CCDC125: variants seen among roughly 807,000 people sequenced by gnomAD.
The protein encoded by CCDC125 is coiled-coil domain containing 125.
A neutral mutation model predicts 57.4 loss-of-function variants in CCDC125; 43 were observed. The ratio of observed to expected loss-of-function variants is 0.75; its 90% CI spans 0.59 to 0.97. The LOEUF (loss-of-function observed/expected upper bound fraction) is 0.97. CCDC125 is among the 50% of genes least tolerant of loss of function. The pLI, the probability that CCDC125 is intolerant of heterozygous loss-of-function variation, is 0.00. For missense variants in CCDC125, 563 were observed against 595.7 expected, an observed-to-expected ratio of 0.95 and a Z score of 0.57; for synonymous variants, 187 against 195.2, an observed-to-expected ratio of 0.96 and a Z score of 0.35.
At chr5:69,283,256 G>A (rs764703910) in intron 11 of CCDC125, among the ~76,000 whole-genome samples, 24 of 137,246 alleles carry the variant, frequency 1.7e-4, no homozygotes, top group Non-Finnish European at 2.9e-4. Context: ...GTCTGGCTCT[G>A]TCACCCAGGC....
chr5:69,302,307 A>G (rs1483668329), intron 7 of CCDC125, among the ~76,000 whole-genome samples: 22 of 145,456 alleles, frequency 1.5e-4, no homozygotes, highest in African/African-American at 5.3e-4. Flanking sequence ...CTGTAGTCCC[A>G]GCTTCTTGGG....
At chr5:69,293,234 G>T (rs1414852732) in intron 9 of CCDC125, among the ~76,000 whole-genome samples, 1 of 152,138 alleles carries the variant, frequency 6.6e-6, no homozygotes, top group Non-Finnish European at 1.5e-5. Context: ...GACGTCTTAG[G>T]CTCAAGTGAT....
At chr5:69,288,684 C>T (rs1306960614) in intron 10 of CCDC125, among the ~76,000 whole-genome samples, 5 of 152,152 alleles carry the variant, frequency 3.3e-5, no homozygotes, top group Non-Finnish European at 7.3e-5. Flanking sequence ...CATGGGAGTC[C>T]CAATGTACAT....
chr5:69,276,464 A>G (rs1752150367), downstream of CCDC125: 2 of 1,305,772 alleles, frequency 1.5e-6, no homozygotes, highest in Non-Finnish European at 1.1e-6. Context: ...AATGCTCCCT[A>G]TAATCTTGAA....
chr5:69,296,269 T>C (rs1252795145), intron 8 of CCDC125, among the ~76,000 whole-genome samples: 2 of 149,814 alleles, frequency 1.3e-5, no homozygotes, highest in South Asian at 2.2e-4. Context: ...AACTAGATTC[T>C]GGCCAGGCGC....
intron 7 of CCDC125, among the ~76,000 whole-genome samples, chr5:69,301,898 A>AAAT (rs71305003): frequency 0.33 from 47,475 of 145,472 alleles, 9,132 homozygotes; most frequent in South Asian, 0.55. Context: ...TTCTGTCTCA[A>AAAT]AATAATAATA....
chr5:69,320,214 G>T (rs763517852), intron 2 of CCDC125, 23 bp downstream of exon 2: 2 of 1,587,682 alleles, frequency 1.3e-6, no homozygotes, highest in Admixed American at 3.4e-5. Context: ...AGAAAGAAAG[G>T]AGAGGAAATT....
chr5:69,303,361 C>CT (rs1003180857), intron 7 of CCDC125, among the ~76,000 whole-genome samples: 45,738 of 100,420 alleles, frequency 0.46, 12,561 homozygotes, highest in Non-Finnish European at 0.53. Flanking sequence ...GAATTGTTCA[C>CT]TTTTTTTTTT....
chr5:69,279,460 T>C (rs1040578690), downstream of CCDC125, among the ~76,000 whole-genome samples: 3 of 152,202 alleles, frequency 2.0e-5, no homozygotes, highest in Non-Finnish European at 4.4e-5. Context: ...CCTCCCAAAG[T>C]GCTGGGATTA....
In CCDC125 at chr5:69,313,555, G is replaced by A. The variant is rs564318142; in HGVS notation, c.366+430C>T. The A allele has an allele frequency of 8.7e-5, 66 of 757,416 alleles. No homozygotes were observed. In the African/African-American group the frequency reaches 1.1e-3, roughly 12 times the overall value. 46.9% of individuals were successfully genotyped at this position (757,416 alleles called of 1,614,324 possible). ...TTTGCTCTTAAGGGGCACAGACTCA[G>A]TGGCCCAGAAGATAAACACCAGGTC... On this transcript the variant is annotated intron_variant, in intron 3 of 11. Coordinates refer to ENST00000396496, the MANE Select transcript of CCDC125 (RefSeq NM_176816.5).
intron 1 of CCDC125, among the ~76,000 whole-genome samples, chr5:69,328,241 C>T (rs775357640): frequency 9.9e-5 from 15 of 151,974 alleles, no homozygotes; most frequent in Non-Finnish European, 2.2e-4. Flanking sequence ...TGTATTTATG[C>T]CTGTTTTATG....
At chr5:69,302,723 C>CAA (rs796772184) in intron 7 of CCDC125, among the ~76,000 whole-genome samples, 1 of 130,624 alleles carries the variant, frequency 7.7e-6, no homozygotes, top group African/African-American at 2.8e-5. Flanking sequence ...GACTCTGTCT[C>CAA]AAAAAAAAAA....
downstream of CCDC125, chr5:69,276,978 T>G: frequency 1.3e-6 from 1 of 773,656 alleles, no homozygotes; most frequent in South Asian, 2.0e-5. Flanking sequence ...GTTTAACAAG[T>G]GCTACTGGAA....
intron 10 of CCDC125, among the ~76,000 whole-genome samples, chr5:69,290,620 CT>C (rs1160739346): frequency 8.2e-6 from 1 of 122,400 alleles, no homozygotes; most frequent in Non-Finnish European, 1.7e-5. Context: ...TTTTTTTTTT[CT>C]TTTTTTTCTT....
intron 10 of CCDC125, among the ~76,000 whole-genome samples, chr5:69,290,802 G>A (rs1754329277): frequency 6.6e-6 from 1 of 151,062 alleles, no homozygotes; most frequent in African/African-American, 2.4e-5. Flanking sequence ...GCTAATTTTT[G>A]TATTTTTAGT....
At chr5:69,326,316 CA>C (rs1760729824) in intron 1 of CCDC125, among the ~76,000 whole-genome samples, 2 of 152,180 alleles carry the variant, frequency 1.3e-5, no homozygotes, top group Admixed American at 6.5e-5. Context: ...CAACATCTAA[CA>C]GATTCTGGAT....
At chr5:69,276,652 T>C (rs758106557), downstream of CCDC125, 2 of 1,614,008 alleles carry the variant, frequency 1.2e-6, no homozygotes, top group African/African-American at 1.3e-5. Flanking sequence ...AATCCAGCTT[T>C]GGCAATAAAA....
At chr5:69,279,198 GTT>G (rs59136402), downstream of CCDC125, among the ~76,000 whole-genome samples, 436 of 119,178 alleles carry the variant, frequency 3.7e-3, 1 homozygote, top group Non-Finnish European at 5.4e-3. Flanking sequence ...ATGCAGGTTT[GTT>G]TTTTTTTTTT....
intron 10 of CCDC125, among the ~76,000 whole-genome samples, chr5:69,287,043 A>T (rs1753620631): frequency 6.6e-6 from 1 of 151,928 alleles, no homozygotes; most frequent in African/African-American, 2.4e-5. Context: ...AGAAAGAAAG[A>T]AGTATGCCTA....
Sources: gnomAD v4.1 joint callset for allele counts (sites outside exome capture counted in the v4.1 genomes callset) on GRCh38, gnomAD v4.1.1 for gene constraint, MANE v1.5 for transcripts, NCBI Gene and HGNC (gene_info 2026-07-23, HGNC 2026-07-21) for gene names.